Variants in USP4 observed in about 807,000 individuals in gnomAD.
USP4 encodes the protein ubiquitin specific peptidase 4.
Under a neutral mutation model 118.2 loss-of-function variants are expected in USP4, and 72 were observed. The observed-to-expected ratio is 0.61, with a 90% CI of 0.50 to 0.74. USP4 has a LOEUF of 0.74. USP4 is among the 30% of genes least tolerant of loss of function. The pLI, the probability that USP4 is intolerant of heterozygous loss-of-function variation, is 0.00. For missense variants in USP4, 1,037 were observed against 1,185.7 expected, an observed-to-expected ratio of 0.87 and a Z score of 1.84; for synonymous variants, 415 against 440.4, an observed-to-expected ratio of 0.94 and a Z score of 0.72.
At position 49,283,204 on chromosome 3, in the gene USP4, T is replaced by C. The variant is rs144820957; in HGVS notation, c.2540+783A>G. The stretch of plus-strand genomic sequence containing the variant: ...CTAACTTTTGCATTTTTAGTAGAGA[T>C]GGGGTTTCACCATGTTGGCCAGGAT... On this transcript the variant is annotated intron_variant, in intron 19 of 21. Coordinates refer to ENST00000265560, the MANE Select transcript of USP4 (RefSeq NM_003363.4). 8.1e-3 allele frequency among the ~76,000 whole-genome samples: 1,209 copies of C among 150,178 alleles called. 9 individuals carry two copies. Among genetic ancestry groups the C allele is most frequent in the African/African-American group, 0.019 (778 of 40,760 alleles).
chr3:49,295,288 C>CAAAAAAAAAAAAAAAAAAAAA (rs34296887), intron 13 of USP4, among the ~76,000 whole-genome samples: 4 of 11,944 alleles, frequency 3.3e-4, no homozygotes, highest in African/African-American at 5.4e-4. Context: ...GACTCCATCT[C>CAAAAAAAAAAAAAAAAAAAAA]AAAAAAAAAA....
chr3:49,326,462 T>C (rs2107799883), intron 3 of USP4, among the ~76,000 whole-genome samples: 1 of 152,202 alleles, frequency 6.6e-6, no homozygotes, highest in South Asian at 2.1e-4. Context: ...AGTGGTGCGA[T>C]CTCAGCTCAT....
At chr3:49,282,191 A>G (rs1354005572) in intron 19 of USP4, among the ~76,000 whole-genome samples, 1 of 152,190 alleles carries the variant, frequency 6.6e-6, no homozygotes, top group African/African-American at 2.4e-5. Flanking sequence ...TGCCATAATA[A>G]TTTAAACTCA....
rs775431192 is a variant in USP4 at position 49,340,012 on chromosome 3, C to T, written c.13G>A (p.Gly5Arg). The T allele has an allele frequency of 1.5e-5, 24 of 1,608,432 alleles. No homozygotes were observed. Among genetic ancestry groups the T allele is most frequent in the East Asian group, 2.2e-5 (1 of 44,854 alleles). The change falls in exon 1 of 22, where the codon GGA becomes AGA. Residue 5 changes from glycine to arginine, a missense_variant. Physicochemically the swap from Gly to Arg is moderately radical, Grantham distance 125. Coordinates refer to ENST00000265560, the MANE Select transcript of USP4 (RefSeq NM_003363.4). MAEG[G>R]GCRERPDAET... ...GCATCCGGTCGCTCACGGCAGCCTCCACCTTCCGCCATCTCCTCCGCGGCC... is the reference window on the plus strand; with the variant it reads ...GCATCCGGTCGCTCACGGCAGCCTCTACCTTCCGCCATCTCCTCCGCGGCC...
chr3:49,277,316 C>A lies in USP4; in HGVS notation c.*977G>T. The A allele has an allele frequency of 1.5e-5, 17 of 1,138,766 alleles. No individual in the cohort carries two copies. The highest frequency in any genetic ancestry group is 1.9e-5 in the Non-Finnish European group (16 of 864,538). 70.5% of individuals were successfully genotyped at this position (1,138,766 alleles called of 1,614,324 possible). On this transcript the variant is annotated 3_prime_UTR_variant, in exon 22 of 22. Transcript: ENST00000265560. ...GACCCATACGTCCGGTTCCTTAAGG[C>A]CTTGCCCACACGCAGCGGCTGGCCC...
At chr3:49,294,016 C>T (rs1236004631) in intron 14 of USP4, among the ~76,000 whole-genome samples, 1 of 150,210 alleles carries the variant, frequency 6.7e-6, no homozygotes. Flanking sequence ...CACTCTGTCA[C>T]CCAGGCTGGA....
chr3:49,284,222 CCTGATAG>C (rs1202771165), intron 18 of USP4, 86 bp from the exon 19 acceptor site: 5 of 1,534,930 alleles, frequency 3.3e-6, no homozygotes, highest in Non-Finnish European at 4.5e-6. Context: ...GCTGCAGTCC[CCTGATAG>C]CTGCCATCCT....
At chr3:49,301,336 C>T (rs1220723527) in intron 10 of USP4, among the ~76,000 whole-genome samples, 3 of 152,082 alleles carry the variant, frequency 2.0e-5, no homozygotes, top group African/African-American at 7.2e-5. Flanking sequence ...AGAACACTAT[C>T]GGTACAGAGA....
At chr3:49,308,376 G>A (rs533920419) in intron 8 of USP4, among the ~76,000 whole-genome samples, 36 of 152,208 alleles carry the variant, frequency 2.4e-4, no homozygotes, top group Admixed American at 7.9e-4. Context: ...CTGGAGTGTA[G>A]TGGCATGATC....
At chr3:49,280,970 G>T in intron 19 of USP4, 123 bp from the exon 20 acceptor site, 1 of 688,664 alleles carries the variant, frequency 1.5e-6, no homozygotes, top group Non-Finnish European at 2.5e-6. Flanking sequence ...AACTATTCGA[G>T]AGAGACCAAG....
chr3:49,295,288 CAAAAAAAA>C (rs34296887), intron 13 of USP4, among the ~76,000 whole-genome samples: 1 of 11,926 alleles, frequency 8.4e-5, no homozygotes. Context: ...GACTCCATCT[CAAAAAAAA>C]AAAAAAAAAA....
At chr3:49,296,573 C>G (rs973287107) in intron 13 of USP4, among the ~76,000 whole-genome samples, 1 of 150,910 alleles carries the variant, frequency 6.6e-6, no homozygotes, top group African/African-American at 2.4e-5. Context: ...GGCATGAACC[C>G]GGGAGGCAGA....
rs533521902 is a variant in USP4 at position 49,324,997 on chromosome 3, G to A, written c.530C>T (p.Ala177Val). The A allele has an allele frequency of 5.9e-5, 96 of 1,613,886 alleles. 1 individual carries two copies. In the Middle Eastern group the frequency reaches 9.9e-4, roughly 17 times the overall value. Reference sequence around the variant, plus strand: ...GTTCCAGAGCCGTGTTTCACGCTCCGCAGGGATGTTGAATAGCTTCCGCAT... The same window carrying A: ...GTTCCAGAGCCGTGTTTCACGCTCCACAGGGATGTTGAATAGCTTCCGCAT... ...KEMRKLFNIP[A>V]ERETRLWNKY... Residue 177 changes from alanine (A) to valine (V), a missense_variant, in exon 5 of 22, where the codon GCG becomes GTG. Coordinates refer to ENST00000265560, the MANE Select transcript of USP4 (RefSeq NM_003363.4).
chr3:49,328,600 C>G (rs545455445), intron 2 of USP4, among the ~76,000 whole-genome samples: 1 of 152,182 alleles, frequency 6.6e-6, no homozygotes, highest in African/African-American at 2.4e-5. Flanking sequence ...TGGCTCATGC[C>G]TGTAATTCCA....
In USP4 at chr3:49,297,905, AC is replaced by A. The variant is rs1484491858; in HGVS notation, c.1655del (p.Gly552ValfsTer2). ...RFHKIFQMDEGLNHIMPRDDI... is the reference protein window; with the variant it reads ...RFHKIFQMDEXLNHIMPRDDI... Reference sequence around the variant, plus strand: ...CATCCCGAGGCATGATGTGGTTTAAACCTTCATCCATTTGGAAAATTTTGTG... The same window carrying A: ...CATCCCGAGGCATGATGTGGTTTAAACTTCATCCATTTGGAAAATTTTGTG... On this transcript the variant is annotated frameshift_variant, in exon 13 of 22. Transcript: ENST00000265560. LOFTEE classifies it high-confidence loss of function. 3 of 1,614,046 alleles carry A rather than the reference AC, an allele frequency of 1.9e-6. No homozygotes were observed. The highest frequency in any genetic ancestry group is 2.5e-6 in the Non-Finnish European group (3 of 1,180,020).
At chr3:49,337,304 G>T (rs2107807936) in intron 1 of USP4, among the ~76,000 whole-genome samples, 1 of 151,984 alleles carries the variant, frequency 6.6e-6, no homozygotes, top group Admixed American at 6.6e-5. Flanking sequence ...TAACATGCGT[G>T]TACATATATA....
Position 49,339,930 on chromosome 3 carries a change from GC to G in USP4, c.94del (p.Ala32ArgfsTer38). The G allele has an allele frequency of 6.2e-7, 1 of 1,612,072 alleles. No homozygotes were observed. Among genetic ancestry groups the G allele is most frequent in the Non-Finnish European group, 8.5e-7 (1 of 1,179,312 alleles). On this transcript the variant is annotated frameshift_variant, in exon 1 of 22. Transcript: ENST00000265560. LOFTEE classifies it high-confidence loss of function. ...GAGCGAGCCGGGAGCTCACCACTGCGCCCCGCGTTGGAGTGTGGTCCTCATT... is the reference window on the plus strand; with the variant it reads ...GAGCGAGCCGGGAGCTCACCACTGCGCCCGCGTTGGAGTGTGGTCCTCATT... The part of the protein sequence containing the change: ...PLMRTTLQRG[A>X]QWYLIDSRWF...
intron 6 of USP4, among the ~76,000 whole-genome samples, chr3:49,319,053 G>A (rs765018842): frequency 8.0e-5 from 12 of 150,528 alleles, no homozygotes; most frequent in Non-Finnish European, 1.8e-4. Context: ...CATTGGCCAG[G>A]CATGGTGGCT....
Position 49,311,503 on chromosome 3 carries a change from C to T in USP4, c.836+11G>A, listed in dbSNP as rs746378260. On this transcript the variant is annotated intron_variant, in intron 7 of 21. Coordinates refer to ENST00000265560, the MANE Select transcript of USP4 (RefSeq NM_003363.4). ...CGGGAAAGGAAGCAGAGTGAAAGGA[C>T]CTGCTCTTACCCCCTGCTGACACCG... 17 of 1,612,388 alleles carry T rather than the reference C, an allele frequency of 1.1e-5. No individual in the cohort carries two copies. In the African/African-American group the frequency reaches 2.1e-4, roughly 20 times the overall value.
Sources: gnomAD v4.1 joint callset for allele counts (sites outside exome capture counted in the v4.1 genomes callset) on GRCh38, gnomAD v4.1.1 for gene constraint, MANE v1.5 for transcripts, NCBI Gene and HGNC (gene_info 2026-07-23, HGNC 2026-07-21) for gene names.